VANGL2: variants seen among roughly 807,000 people sequenced by gnomAD.
VANGL2 encodes the protein VANGL planar cell polarity protein 2.
VANGL2 carries 14 observed loss-of-function variants against 50.2 expected under a neutral mutation model. The observed-to-expected ratio is 0.28, with a 90% CI of 0.18 to 0.44. The LOEUF (loss-of-function observed/expected upper bound fraction) is 0.44, where lower values mean the gene tolerates loss of function less well. Among genes scored for constraint, VANGL2 ranks in the 20% least tolerant of loss-of-function variants. The probability of loss-of-function intolerance (pLI) is 1.00; values close to 1 mark genes in which losing one functional copy is unlikely to be tolerated. For synonymous variants in VANGL2, 295 were observed against 297.2 expected, an observed-to-expected ratio of 0.99 and a Z score of 0.08; for missense variants, 533 against 701.5, an observed-to-expected ratio of 0.76 and a Z score of 2.71.
At chr1:160,409,142 C>T (rs145906582) in intron 1 of VANGL2, among the ~76,000 whole-genome samples, 2 of 152,336 alleles carry the variant, frequency 1.3e-5, no homozygotes, top group East Asian at 1.9e-4. Flanking sequence ...CCTCTCCTGT[C>T]GTGGCCCTCT....
chr1:160,402,820 C>T (rs140623272), intron 1 of VANGL2, among the ~76,000 whole-genome samples: 2 of 152,114 alleles, frequency 1.3e-5, no homozygotes, highest in African/African-American at 4.8e-5. Context: ...CATCCTTTCT[C>T]TTTTGGGGTA....
At chr1:160,410,513 G>A (rs903166282) in intron 1 of VANGL2, among the ~76,000 whole-genome samples, 9 of 152,238 alleles carry the variant, frequency 5.9e-5, no homozygotes, top group East Asian at 3.9e-4. Flanking sequence ...GTGGCGTCTG[G>A]AGCTGCCTGC....
In VANGL2 at chr1:160,402,858, T is replaced by G. The variant is rs533317746; in HGVS notation, c.-191+1989T>G. Among the ~76,000 whole-genome samples the G allele has an allele frequency of 3.3e-5, 5 of 152,114 alleles. No homozygotes were observed. In the South Asian group the frequency reaches 1.0e-3, roughly 32 times the overall value. ...GGAAAGGGGTTGCTCACCTCCTTCT[T>G]TAGGATACTAGCCTTCCCCCATTGC... On this transcript the variant is annotated intron_variant, in intron 1 of 7. Transcript: ENST00000368061.
chr1:160,404,428 A>G (rs1650584840), intron 1 of VANGL2, among the ~76,000 whole-genome samples: 1 of 152,188 alleles, frequency 6.6e-6, no homozygotes, highest in African/African-American at 2.4e-5. Context: ...AATTCACATA[A>G]TAGGAAATAA....
At chr1:160,407,611 G>A (rs577549210) in intron 1 of VANGL2, among the ~76,000 whole-genome samples, 1 of 152,318 alleles carries the variant, frequency 6.6e-6, no homozygotes, top group Non-Finnish European at 1.5e-5. Context: ...GGCTTTGAAG[G>A]TCTTTTGGGG....
chr1:160,419,899 T>G lies in VANGL2; in HGVS notation c.800+290T>G, dbSNP rs1651206235. On this transcript the variant is annotated intron_variant, in intron 4 of 7. Transcript: ENST00000368061. This position sits in a 1 kb window ranked among gnomAD's most constrained non-coding sequence, Gnocchi z 5.8. ...AGGGGGATGGACCAAAGGGAAGAAA[T>G]ATGGGGGGGTGCACAAACAGGGGCT... Among the ~76,000 whole-genome samples, 4 of 123,188 alleles carry G rather than the reference T, an allele frequency of 3.2e-5. No homozygotes were observed. The highest frequency in any genetic ancestry group is 5.0e-5 in the Non-Finnish European group (3 of 59,514). The allele number at this position is 123,188 out of a possible 152,430, so 80.8% of individuals were successfully genotyped here.
In VANGL2 at chr1:160,420,564, C is replaced by G; in HGVS notation, c.937+17C>G. ...TCGGAGAGGGTGAGCAGCCCTGCTCCTCTGCCCTTCCCTGTCTCTTCCCAA... is the reference window on the plus strand; with the variant it reads ...TCGGAGAGGGTGAGCAGCCCTGCTCGTCTGCCCTTCCCTGTCTCTTCCCAA... On this transcript the variant is annotated intron_variant, in intron 5 of 7. Transcript: ENST00000368061. The G allele has an allele frequency of 6.2e-7, 1 of 1,614,194 alleles. No homozygotes were observed. Among genetic ancestry groups the G allele is most frequent in the Non-Finnish European group, 8.5e-7 (1 of 1,180,030 alleles).
At chr1:160,408,796 A>G (rs1650778669) in intron 1 of VANGL2, among the ~76,000 whole-genome samples, 1 of 152,138 alleles carries the variant, frequency 6.6e-6, no homozygotes, top group South Asian at 2.1e-4. Flanking sequence ...CTGTCACCCA[A>G]GGACAGCCTT....
intron 1 of VANGL2, among the ~76,000 whole-genome samples, chr1:160,405,398 G>A (rs943488747): frequency 6.6e-6 from 1 of 152,136 alleles, no homozygotes; most frequent in Admixed American, 6.5e-5. Flanking sequence ...TAGAACTGTG[G>A]TGGGCCAGGG....
chr1:160,427,870 G>A lies in VANGL2; in HGVS notation c.*2492G>A, dbSNP rs1011509029. 2.6e-5 allele frequency: 4 copies of A among 152,654 alleles called. No homozygotes were observed. The highest frequency in any genetic ancestry group is 4.8e-5 in the African/African-American group (2 of 41,364). 9.5% of individuals were successfully genotyped at this position (152,654 alleles called of 1,614,324 possible). On this transcript the variant is annotated 3_prime_UTR_variant, in exon 8 of 8. Coordinates refer to ENST00000368061, the MANE Select transcript of VANGL2 (RefSeq NM_020335.3). ...CTTTTGTGTGACTCATGGCATCCTCGTTCATCCCCACCGTGCCTAGCAGGC... is the reference window on the plus strand; with the variant it reads ...CTTTTGTGTGACTCATGGCATCCTCATTCATCCCCACCGTGCCTAGCAGGC...
At chr1:160,424,833 G>T (rs986129757) in intron 7 of VANGL2, among the ~76,000 whole-genome samples, 1 of 152,168 alleles carries the variant, frequency 6.6e-6, no homozygotes, top group Non-Finnish European at 1.5e-5. Flanking sequence ...CCAGGTCACA[G>T]CCTGGTGCAG....
In VANGL2 at chr1:160,427,838, G is replaced by A. The variant is rs114859872; in HGVS notation, c.*2460G>A. 5,607 of 152,686 alleles carry A rather than the reference G, an allele frequency of 0.037. 143 individuals are homozygous for A. Among genetic ancestry groups the A allele is most frequent in the Middle Eastern group, 0.071 (21 of 294 alleles). The allele number at this position is 152,686 out of a possible 1,614,324, so 9.5% of individuals were successfully genotyped here. On this transcript the variant is annotated 3_prime_UTR_variant, in exon 8 of 8. Coordinates refer to ENST00000368061, the MANE Select transcript of VANGL2 (RefSeq NM_020335.3). ...GGGCTGCTGTGGCTGGGCCTCACCAGCACTGTCTTTTGTGTGACTCATGGC... is the reference window on the plus strand; with the variant it reads ...GGGCTGCTGTGGCTGGGCCTCACCAACACTGTCTTTTGTGTGACTCATGGC...
chr1:160,401,020 G>A (rs1354411890), intron 1 of VANGL2, among the ~76,000 whole-genome samples, 151 bp downstream of exon 1: 2 of 152,370 alleles, frequency 1.3e-5, no homozygotes, highest in African/African-American at 2.4e-5. Context: ...ATGGGGGAAG[G>A]GGGGCTGGAC....
At chr1:160,413,833 G>C (rs1650968099) in intron 1 of VANGL2, among the ~76,000 whole-genome samples, 1 of 152,056 alleles carries the variant, frequency 6.6e-6, no homozygotes, top group South Asian at 2.1e-4. Context: ...AGTACCTCCA[G>C]CTCAGACTGT....
At chr1:160,407,653 A>T (rs530478265) in intron 1 of VANGL2, among the ~76,000 whole-genome samples, 60 of 152,198 alleles carry the variant, frequency 3.9e-4, no homozygotes, top group African/African-American at 1.3e-3. Context: ...CTCGAGCAGC[A>T]GGCTAGGAAG....
intron 4 of VANGL2, among the ~76,000 whole-genome samples, chr1:160,420,209 G>T (rs906929195): frequency 1.3e-5 from 2 of 152,104 alleles, no homozygotes; most frequent in African/African-American, 2.4e-5. Context: ...TTGGCATGGT[G>T]GGGAGGGACT....
rs115124272 is a variant in VANGL2 at position 160,406,687 on chromosome 1, G to A, written c.-191+5818G>A. 7.7e-3 allele frequency among the ~76,000 whole-genome samples: 1,168 copies of A among 151,944 alleles called. 6 individuals carry two copies. The highest frequency in any genetic ancestry group is 0.014 in the Middle Eastern group (4 of 290). ...GAGTGTTCTTGGCTCCCTCAGCCTG[G>A]TCAGAGAGAGAGGGTGTGTTTGTTT... On this transcript the variant is annotated intron_variant, in intron 1 of 7. Transcript: ENST00000368061.
At chr1:160,420,242 G>T (rs993765512) in intron 4 of VANGL2, among the ~76,000 whole-genome samples, 169 bp from the exon 5 acceptor site, 1 of 152,182 alleles carries the variant, frequency 6.6e-6, no homozygotes, top group Admixed American at 6.5e-5. Flanking sequence ...CCTGGGAAAG[G>T]CTTGGGAGCC....
intron 3 of VANGL2, among the ~76,000 whole-genome samples, chr1:160,417,024 G>T (rs1160513031): frequency 6.6e-6 from 1 of 152,134 alleles, no homozygotes; most frequent in Non-Finnish European, 1.5e-5. Flanking sequence ...TCTTCCTGGG[G>T]CCTGGCCTCC....
Sources: allele counts gnomAD v4.1 joint callset (sites outside exome capture counted in the v4.1 genomes callset), GRCh38; gene constraint gnomAD v4.1.1; non-coding constraint Gnocchi (gnomAD v3.1); transcripts MANE v1.5; gene names NCBI Gene and HGNC (gene_info 2026-07-23, HGNC 2026-07-21).